Variants in STXBP5L observed in about 807,000 individuals in gnomAD.
The protein encoded by STXBP5L is syntaxin-binding protein 5-like.
Under a neutral mutation model 144.5 loss-of-function variants are expected in STXBP5L, and 65 were observed. The observed-to-expected ratio is 0.45, with a 90% CI of 0.37 to 0.55. STXBP5L has a LOEUF of 0.55. Among genes scored for constraint, STXBP5L ranks in the 20% least tolerant of loss-of-function variants. STXBP5L has a pLI of 0.00. For missense variants in STXBP5L, 1,298 were observed against 1,405.5 expected (o/e 0.92, Z 1.22); for synonymous variants, 505 against 469.6 (o/e 1.08, Z -0.97).
Position 121,121,680 on chromosome 3 carries a change from C to G in STXBP5L, c.645C>G (p.Ser215Arg). The G allele has an allele frequency of 6.2e-7, 1 of 1,602,536 alleles. No individual in the cohort carries two copies. The highest frequency in any genetic ancestry group is 8.5e-7 in the Non-Finnish European group (1 of 1,171,846). Residue 215 changes from serine (S) to arginine (R), a missense_variant, in exon 7 of 27, where the codon AGC (serine) becomes AGG (arginine). Physicochemically the swap from Ser to Arg is moderately radical, Grantham distance 110. Coordinates refer to ENST00000471454, the MANE Select transcript of STXBP5L (RefSeq NM_001308330.2). The stretch of plus-strand genomic sequence containing the variant: ...ATCCAGGTCCAGTTGTACATTTAAG[C>G]GATAGCCCAAGAGATGAAGGCAAAG... Reference protein sequence around the residue: ...KTHPGPVVHLSDSPRDEGKLL... With the variant: ...KTHPGPVVHLRDSPRDEGKLL...
At chr3:121,114,084 C>A (rs780007280) in intron 5 of STXBP5L, among the ~76,000 whole-genome samples, 1 of 151,962 alleles carries the variant, frequency 6.6e-6, no homozygotes, top group Non-Finnish European at 1.5e-5. Context: ...ATGAACTTAT[C>A]CTCCTTCTCT....
At position 120,977,242 on chromosome 3, in the gene STXBP5L, A is replaced by G. The variant is rs912840470; in HGVS notation, c.287+22205A>G. On this transcript the variant is annotated intron_variant, in intron 3 of 26. Transcript: ENST00000471454. ...ATCTGGGTGCTCCTGTATTGGGTGC[A>G]TATATATTTAGGATAGTTAGCTCTT... 2.4e-4 allele frequency among the ~76,000 whole-genome samples: 36 copies of G among 152,306 alleles called. 1 individual carries two copies. The East Asian group carries it at 5.6e-3, about 24-fold the overall frequency.
At chr3:121,286,653 A>C (rs1374512801) in intron 19 of STXBP5L, among the ~76,000 whole-genome samples, 2 of 152,178 alleles carry the variant, frequency 1.3e-5, no homozygotes, top group African/African-American at 2.4e-5. Context: ...GGAAACATTT[A>C]AGTGAAGTTT....
At chr3:121,378,967 G>T (rs965768674) in intron 21 of STXBP5L, 81 bp downstream of exon 21, 2 of 1,358,872 alleles carry the variant, frequency 1.5e-6, no homozygotes, top group Non-Finnish European at 2.0e-6. Context: ...ATGGGATGGA[G>T]ATCACATATG....
At chr3:121,106,824 C>G (rs1238428678) in intron 5 of STXBP5L, among the ~76,000 whole-genome samples, 3 of 152,108 alleles carry the variant, frequency 2.0e-5, no homozygotes, top group Non-Finnish European at 2.9e-5. Context: ...GTCACACTGT[C>G]TTCCACAATG....
chr3:121,061,085 T>C (rs2041252488), intron 5 of STXBP5L, among the ~76,000 whole-genome samples: 1 of 152,238 alleles, frequency 6.6e-6, no homozygotes, highest in Non-Finnish European at 1.5e-5. Context: ...TTTAGATCTT[T>C]CCCACATTCT....
At chr3:121,084,351 C>T (rs1236115473) in intron 5 of STXBP5L, among the ~76,000 whole-genome samples, 1 of 152,120 alleles carries the variant, frequency 6.6e-6, no homozygotes, top group African/African-American at 2.4e-5. Context: ...TATCCTGATG[C>T]TCTCCCTCCC....
At chr3:121,222,469 A>G (rs2049002509) in intron 10 of STXBP5L, among the ~76,000 whole-genome samples, 1 of 152,082 alleles carries the variant, frequency 6.6e-6, no homozygotes, top group Non-Finnish European at 1.5e-5. Context: ...AGCTTTCTCC[A>G]TCTTTTTATC....
At chr3:121,242,099 A>G (rs2108339800) in intron 14 of STXBP5L, among the ~76,000 whole-genome samples, 2 of 152,316 alleles carry the variant, frequency 1.3e-5, no homozygotes, top group East Asian at 3.9e-4. Flanking sequence ...TCCAGATGCA[A>G]TAAACTAAAA....
At chr3:121,197,120 T>C (rs1383308257) in intron 9 of STXBP5L, among the ~76,000 whole-genome samples, 3 of 152,232 alleles carry the variant, frequency 2.0e-5, no homozygotes, top group Non-Finnish European at 2.9e-5. Flanking sequence ...TCACAAAGTA[T>C]TTTTCGTTTC....
chr3:121,035,678 T>C (rs1560034767), intron 3 of STXBP5L, among the ~76,000 whole-genome samples: 1 of 152,230 alleles, frequency 6.6e-6, no homozygotes, highest in Non-Finnish European at 1.5e-5. Flanking sequence ...AAGATTGCTT[T>C]GGCTATTCTG....
At chr3:121,043,039 C>G (rs189186170) in intron 4 of STXBP5L, among the ~76,000 whole-genome samples, 5 of 151,774 alleles carry the variant, frequency 3.3e-5, no homozygotes, top group Admixed American at 1.3e-4. Flanking sequence ...TGGGTCTGAT[C>G]CTTTGAGACT....
At chr3:120,983,687 G>A (rs111623597) in intron 3 of STXBP5L, among the ~76,000 whole-genome samples, 8 of 152,176 alleles carry the variant, frequency 5.3e-5, no homozygotes, top group African/African-American at 1.7e-4. Context: ...TATTATAGGA[G>A]TGTGGAGCCC....
intron 20 of STXBP5L, among the ~76,000 whole-genome samples, chr3:121,367,927 A>G (rs1560027174): frequency 6.6e-6 from 1 of 151,034 alleles, no homozygotes; most frequent in Non-Finnish European, 1.5e-5. Context: ...TGACTTTTGA[A>G]AGCTTTGTAA....
At chr3:121,320,141 A>G (rs1284193024) in intron 20 of STXBP5L, among the ~76,000 whole-genome samples, 1 of 152,052 alleles carries the variant, frequency 6.6e-6, no homozygotes, top group East Asian at 1.9e-4. Context: ...AACAATATTG[A>G]ATTTTTCGTT....
intron 5 of STXBP5L, among the ~76,000 whole-genome samples, chr3:121,105,754 G>A (rs1014449666): frequency 4.6e-5 from 7 of 152,178 alleles, no homozygotes; most frequent in African/African-American, 9.6e-5. Flanking sequence ...AACCTGTGCA[G>A]TTAGAACCAT....
At chr3:121,381,946 T>G (rs1422836879) in intron 22 of STXBP5L, among the ~76,000 whole-genome samples, 1 of 152,134 alleles carries the variant, frequency 6.6e-6, no homozygotes, top group Non-Finnish European at 1.5e-5. Context: ...CTATCTGACC[T>G]AAGGTGGATT....
At chr3:121,263,197 A>C (rs758663858) in intron 18 of STXBP5L, among the ~76,000 whole-genome samples, 2 of 152,232 alleles carry the variant, frequency 1.3e-5, no homozygotes, top group Non-Finnish European at 2.9e-5. Flanking sequence ...TGGACCACCC[A>C]GCAAACTCCA....
At chr3:121,007,571 C>A (rs1944433267) in intron 3 of STXBP5L, among the ~76,000 whole-genome samples, 1 of 151,882 alleles carries the variant, frequency 6.6e-6, no homozygotes, top group African/African-American at 2.4e-5. Context: ...GATATAGCAG[C>A]ATTATTCTCC....
Sources: gnomAD v4.1 joint callset for allele counts (sites outside exome capture counted in the v4.1 genomes callset) on GRCh38, gnomAD v4.1.1 for gene constraint, MANE v1.5 for transcripts, NCBI Gene and HGNC (gene_info 2026-07-23, HGNC 2026-07-21) for gene names.